The following FADS2 variants were observed in gnomAD, a reference collection of about 807,000 sequenced individuals.
The protein encoded by FADS2 is fatty acid desaturase 2.
A neutral mutation model predicts 61.2 loss-of-function variants in FADS2; 18 were observed. That is an observed-to-expected ratio of 0.29 (90% CI 0.20 to 0.44). The LOEUF (loss-of-function observed/expected upper bound fraction) is 0.44. Ranked by LOEUF, FADS2 falls within the 20% of genes least tolerant of loss-of-function variation. FADS2 has a pLI of 1.00. For synonymous variants in FADS2, 203 were observed against 223.9 expected, an observed-to-expected ratio of 0.91 and a Z score of 0.83; for missense variants, 322 against 572.7, an observed-to-expected ratio of 0.56 and a Z score of 4.47.
At chr11:61,817,289 G>A (rs1041041676) in intron 1 of FADS2, 1 of 236,414 alleles carries the variant, frequency 4.2e-6, no homozygotes, top group Non-Finnish European at 8.1e-6. Context: ...TGCCTTGGCC[G>A]GGGTCTCCAG....
Position 61,865,141 on chromosome 11 carries a change from A to G in FADS2, c.1158-11A>G. The G allele has an allele frequency of 1.2e-6, 2 of 1,612,058 alleles. No individual in the cohort carries two copies. The highest frequency in any genetic ancestry group is 1.7e-6 in the Non-Finnish European group (2 of 1,179,140). On this transcript the variant is annotated splice_polypyrimidine_tract_variant and intron_variant, in intron 10 of 11. Transcript: ENST00000278840. The surrounding 1 kb of genome is among the most constrained non-coding windows in gnomAD (Gnocchi z 4.1). ...AGTCCTCACGCTCTGCCCACCCTAC[A>G]CACTCCTCAGCCTCTTCCCCACCAT...
chr11:61,841,233 G>T (rs2067214709), intron 4 of FADS2, among the ~76,000 whole-genome samples: 1 of 151,858 alleles, frequency 6.6e-6, no homozygotes, highest in South Asian at 2.1e-4. Context: ...TGTATTTTTA[G>T]TAGAGATGGG....
intron 7 of FADS2, among the ~76,000 whole-genome samples, chr11:61,859,443 C>G (rs2067394195): frequency 6.6e-6 from 1 of 152,230 alleles, no homozygotes; most frequent in Non-Finnish European, 1.5e-5. Flanking sequence ...CAAATTTTAT[C>G]TCCAAGTCTT....
intron 1 of FADS2, among the ~76,000 whole-genome samples, chr11:61,837,012 C>T (rs187717216): frequency 5.9e-5 from 9 of 152,174 alleles, no homozygotes. Context: ...AAAATATTAG[C>T]AATAATGACC....
At chr11:61,848,551 A>G in intron 5 of FADS2, 1 of 506,216 alleles carries the variant, frequency 2.0e-6, no homozygotes, top group African/African-American at 1.9e-5. Context: ...GGTACCCTGA[A>G]TTGTTCTGGC....
At chr11:61,839,481 C>T (rs1453443721) in intron 2 of FADS2, among the ~76,000 whole-genome samples, 2 of 151,992 alleles carry the variant, frequency 1.3e-5, no homozygotes, top group South Asian at 2.1e-4. Context: ...CATCATCATG[C>T]CTGGCTAATT....
rs543640724 is a variant in FADS2 at position 61,866,645 on chromosome 11, C to T, written c.*956C>T. Reference sequence around the variant, plus strand: ...CATTTGGCCCCAGGGGACGTGGGCCCTGCAGGCTGCAGGAGGGCACTGGAG... The same window carrying T: ...CATTTGGCCCCAGGGGACGTGGGCCTTGCAGGCTGCAGGAGGGCACTGGAG... On this transcript the variant is annotated 3_prime_UTR_variant, in exon 12 of 12. Transcript: ENST00000278840. 6.6e-6 allele frequency: 1 copy of T among 152,600 alleles called. No homozygotes were observed. Among genetic ancestry groups the T allele is most frequent in the East Asian group, 1.9e-4 (1 of 5,302 alleles). The allele number at this position is 152,600 out of a possible 1,614,324, so 9.5% of individuals were successfully genotyped here.
chr11:61,825,018 C>T (rs1422622218), upstream of FADS2, among the ~76,000 whole-genome samples: 1 of 151,742 alleles, frequency 6.6e-6, no homozygotes, highest in East Asian at 2.0e-4. Context: ...TGGTGAAACC[C>T]CATCTCTACT....
At position 61,865,128 on chromosome 11, in the gene FADS2, C is replaced by A. The variant is rs753667530; in HGVS notation, c.1158-24C>A. The A allele has an allele frequency of 6.2e-6, 10 of 1,606,346 alleles. No individual in the cohort carries two copies. The South Asian group carries it at 9.9e-5, about 16-fold the overall frequency. ...GCATGGCCCTCTGAGTCCTCACGCT[C>A]TGCCCACCCTACACACTCCTCAGCC... On this transcript the variant is annotated intron_variant, in intron 10 of 11. Transcript: ENST00000278840. The surrounding 1 kb of genome is among the most constrained non-coding windows in gnomAD (Gnocchi z 4.1).
In FADS2 at chr11:61,857,118, C is replaced by G. The variant is rs373471087; in HGVS notation, c.805+47C>G. On this transcript the variant is annotated intron_variant, in intron 6 of 11. Coordinates refer to ENST00000278840, the MANE Select transcript of FADS2 (RefSeq NM_004265.4). ...ATCACTCTGGGACCCTCCCCTCCCCCCAGAGTGGCGTGTCTCTCCCTCCTA... is the reference window on the plus strand; with the variant it reads ...ATCACTCTGGGACCCTCCCCTCCCCGCAGAGTGGCGTGTCTCTCCCTCCTA... 26 of 1,499,920 alleles carry G rather than the reference C, an allele frequency of 1.7e-5. No homozygotes were observed. In the African/African-American group the frequency reaches 2.3e-4, roughly 13 times the overall value. 92.9% of individuals were successfully genotyped at this position (1,499,920 alleles called of 1,614,324 possible).
intron 4 of FADS2, among the ~76,000 whole-genome samples, chr11:61,845,853 A>G (rs1248588961): frequency 2.0e-5 from 3 of 151,288 alleles, no homozygotes; most frequent in Non-Finnish European, 4.4e-5. Flanking sequence ...AAATGCTTTC[A>G]TTACATCTCA....
upstream of FADS2, among the ~76,000 whole-genome samples, chr11:61,823,579 C>T (rs1019771795): frequency 1.3e-5 from 2 of 152,180 alleles, no homozygotes; most frequent in African/African-American, 2.4e-5. Context: ...TGCAGTGGCA[C>T]GATCATGGAT....
upstream of FADS2, chr11:61,827,903 G>C: frequency 2.3e-6 from 1 of 432,132 alleles, no homozygotes; most frequent in Non-Finnish European, 3.1e-6. This position sits in a 1 kb window ranked among gnomAD's most constrained non-coding sequence, Gnocchi z 4.5. Context: ...CCGGGGACCC[G>C]CCGCTCCAGC....
At position 61,816,308 on chromosome 11, in the gene FADS2, C is replaced by A; in HGVS notation, c.23C>A (p.Pro8His). The change falls in exon 1 of 12, where the codon CCC becomes CAC. Residue 8 changes from proline to histidine, a missense_variant. Pro to His is a moderately conservative substitution (Grantham distance 77). Transcript: ENST00000257261. The surrounding 1 kb of genome is among the most constrained non-coding windows in gnomAD (Gnocchi z 7.0). The stretch of plus-strand genomic sequence containing the variant: ...GGAATGCACGGCAGGGAGGCGGGAC[C>A]CTTTGTTTGTGTGTGCGTGTTGTTG... 1 of 1,598,332 alleles carries A rather than the reference C, an allele frequency of 6.3e-7. No homozygotes were observed. Among genetic ancestry groups the A allele is most frequent in the Non-Finnish European group, 8.5e-7 (1 of 1,179,780 alleles).
At chr11:61,821,936 G>A (rs956759030) in intron 1 of FADS2, among the ~76,000 whole-genome samples, 1 of 152,030 alleles carries the variant, frequency 6.6e-6, no homozygotes, top group Admixed American at 6.6e-5. Flanking sequence ...GCAGAGGCAG[G>A]CTCATGGAGG....
chr11:61,853,598 C>T (rs192282403), intron 5 of FADS2, among the ~76,000 whole-genome samples: 2 of 152,182 alleles, frequency 1.3e-5, no homozygotes, highest in Admixed American at 1.3e-4. Flanking sequence ...TCCTCCCATC[C>T]GGGAAACCAC....
chr11:61,853,028 G>A (rs993327421), intron 5 of FADS2, among the ~76,000 whole-genome samples: 5 of 152,084 alleles, frequency 3.3e-5, no homozygotes, highest in Non-Finnish European at 7.4e-5. Context: ...GGTGGCACAC[G>A]CCTGTAGTCT....
chr11:61,857,129 T>G lies in FADS2; in HGVS notation c.805+58T>G, dbSNP rs1328451006. ...ACCCTCCCCTCCCCCCAGAGTGGCG[T>G]GTCTCTCCCTCCTACCTGACATCTT... On this transcript the variant is annotated intron_variant, in intron 6 of 11. Transcript: ENST00000278840. 1.1e-5 allele frequency: 15 copies of G among 1,378,498 alleles called. No individual in the cohort carries two copies. In the East Asian group the frequency reaches 3.2e-4, roughly 29 times the overall value. The allele number at this position is 1,378,498 out of a possible 1,614,324, so 85.4% of individuals were successfully genotyped here. A position where few individuals can be genotyped will look rare whatever the true frequency, so the allele number is the denominator to read the frequency against.
chr11:61,826,345 G>A (rs759604748), upstream of FADS2: 16 of 702,448 alleles, frequency 2.3e-5, no homozygotes, highest in Non-Finnish European at 3.6e-5. Context: ...GCCGGTCCAC[G>A]CTTCTCAGCC....
Sources: allele counts gnomAD v4.1 joint callset (sites outside exome capture counted in the v4.1 genomes callset), GRCh38; gene constraint gnomAD v4.1.1; non-coding constraint Gnocchi (gnomAD v3.1); transcripts MANE v1.5; gene names NCBI Gene and HGNC (gene_info 2026-07-23, HGNC 2026-07-21).